KCNIP4: variants seen among roughly 807,000 people sequenced by gnomAD.
KCNIP4 encodes the protein potassium voltage-gated channel interacting protein 4.
A neutral mutation model predicts 34.0 loss-of-function variants in KCNIP4; 12 were observed. The ratio of observed to expected loss-of-function variants is 0.35; its 90% confidence interval spans 0.23 to 0.57. The LOEUF is 0.57. Ranked by LOEUF, KCNIP4 falls within the 20% of genes least tolerant of loss-of-function variation. The pLI, the probability that KCNIP4 is intolerant of heterozygous loss-of-function variation, is 0.83. For missense variants in KCNIP4, 238 were observed against 311.7 expected (o/e 0.76, Z 1.78); for synonymous variants, 124 against 102.2 (o/e 1.21, Z -1.29).
rs142703759 is a variant in KCNIP4, at chr4:21,501,483, G to A, written c.61+447088C>T. ...TCTTCTCATTCATGTTTAAGATGTC[G>A]CAAAATTTCTTATCAAGCTGATACA... On this transcript the variant is annotated intron_variant, in intron 1 of 8. Coordinates refer to ENST00000382152, the MANE Select transcript of KCNIP4 (RefSeq NM_025221.6). 7.2e-5 allele frequency among the ~76,000 whole-genome samples: 11 copies of A among 151,896 alleles called. No individual in the cohort carries two copies. In the East Asian group the frequency reaches 9.7e-4, roughly 13 times the overall value.
At chr4:20,928,650 C>G (rs979708536) in intron 1 of KCNIP4, among the ~76,000 whole-genome samples, 1 of 151,548 alleles carries the variant, frequency 6.6e-6, no homozygotes, top group Non-Finnish European at 1.5e-5. Flanking sequence ...GCAGAAAAAC[C>G]ATTTAAAAAT....
chr4:21,425,238 C>T (rs1051203269), intron 1 of KCNIP4, among the ~76,000 whole-genome samples: 3 of 152,114 alleles, frequency 2.0e-5, no homozygotes, highest in African/African-American at 7.2e-5. Context: ...TACTACCTAA[C>T]TTAACTTTAA....
At chr4:21,047,325 T>A in intron 1 of KCNIP4, among the ~76,000 whole-genome samples, 1 of 152,292 alleles carries the variant, frequency 6.6e-6, no homozygotes. Context: ...GCTTACCATA[T>A]AATGATTGGT....
chr4:21,836,021 A>C (rs1182258156), intron 1 of KCNIP4, among the ~76,000 whole-genome samples: 4 of 152,220 alleles, frequency 2.6e-5, no homozygotes, highest in Non-Finnish European at 5.9e-5. Context: ...GTAAAAGTAT[A>C]AGAAAAAACA....
chr4:21,262,724 C>A (rs578075927), intron 1 of KCNIP4, among the ~76,000 whole-genome samples: 2 of 152,190 alleles, frequency 1.3e-5, no homozygotes, highest in Non-Finnish European at 2.9e-5. Context: ...TCTGCTTCTG[C>A]AAAAGCACGC....
chr4:21,727,698 G>A (rs2109105513), intron 1 of KCNIP4, among the ~76,000 whole-genome samples: 1 of 152,024 alleles, frequency 6.6e-6, no homozygotes, highest in African/African-American at 2.4e-5. Context: ...GTATAGTGGT[G>A]CTCACCTGTA....
chr4:20,922,551 A>G (rs10938819), intron 1 of KCNIP4, among the ~76,000 whole-genome samples: 790 of 8,102 alleles, frequency 0.098, 7 homozygotes, highest in African/African-American at 0.18. Context: ...CTGTCTGTCT[A>G]TCTATCTATC....
At chr4:21,234,291 A>G (rs1388344279) in intron 1 of KCNIP4, among the ~76,000 whole-genome samples, 2 of 102,424 alleles carry the variant, frequency 2.0e-5, no homozygotes, top group East Asian at 3.0e-4. Flanking sequence ...TATAACATAT[A>G]TTATATATAA....
intron 1 of KCNIP4, among the ~76,000 whole-genome samples, chr4:21,103,812 C>T (rs913268538): frequency 2.0e-5 from 3 of 147,362 alleles, no homozygotes; most frequent in Non-Finnish European, 4.5e-5. Context: ...TCAATTCCCA[C>T]CTATGAGTGA....
At chr4:21,521,069 T>C (rs1013653754) in intron 1 of KCNIP4, among the ~76,000 whole-genome samples, 1 of 152,162 alleles carries the variant, frequency 6.6e-6, no homozygotes, top group African/African-American at 2.4e-5. Flanking sequence ...TTTATCTCTT[T>C]TGTGCCTTTA....
chr4:21,656,886 T>A (rs565379677), intron 1 of KCNIP4: 1 of 152,332 alleles, frequency 6.6e-6, no homozygotes, highest in East Asian at 1.9e-4. Flanking sequence ...AGGCTCAGGT[T>A]GGAAAGGAAC....
At chr4:21,600,457 T>C (rs2109118150) in intron 1 of KCNIP4, among the ~76,000 whole-genome samples, 1 of 152,252 alleles carries the variant, frequency 6.6e-6, no homozygotes, top group African/African-American at 2.4e-5. Context: ...AATTGGGCTA[T>C]TCATCACCTT....
At chr4:20,864,081 T>C (rs1026738317) in intron 2 of KCNIP4, among the ~76,000 whole-genome samples, 3 of 151,080 alleles carry the variant, frequency 2.0e-5, no homozygotes, top group African/African-American at 4.8e-5. Flanking sequence ...CGTATGTATG[T>C]ATGTATATGC....
chr4:21,204,717 T>C (rs1756725890), intron 1 of KCNIP4, among the ~76,000 whole-genome samples: 1 of 152,118 alleles, frequency 6.6e-6, no homozygotes, highest in African/African-American at 2.4e-5. Context: ...GAAGGAAACA[T>C]TGGAAATAGA....
chr4:21,247,495 C>T (rs1451667900), intron 1 of KCNIP4, among the ~76,000 whole-genome samples: 1 of 149,052 alleles, frequency 6.7e-6, no homozygotes, highest in Non-Finnish European at 1.5e-5. Flanking sequence ...GAAATAAATC[C>T]CAATATGCAT....
At chr4:21,132,826 T>C (rs1442370012) in intron 1 of KCNIP4, among the ~76,000 whole-genome samples, 2 of 137,282 alleles carry the variant, frequency 1.5e-5, no homozygotes, top group Non-Finnish European at 3.1e-5. Flanking sequence ...CTGGGCAACA[T>C]GGTGAAATGT....
At chr4:21,561,322 T>C (rs1002128527) in intron 1 of KCNIP4, among the ~76,000 whole-genome samples, 5 of 152,006 alleles carry the variant, frequency 3.3e-5, no homozygotes, top group African/African-American at 1.2e-4. Context: ...AAAAAGTTTG[T>C]TTCTGTTTCA....
intron 1 of KCNIP4, among the ~76,000 whole-genome samples, chr4:21,835,171 A>T (rs1723245383): frequency 6.6e-6 from 1 of 152,138 alleles, no homozygotes; most frequent in African/African-American, 2.4e-5. Flanking sequence ...TATTTTTAAA[A>T]ACACGACACA....
chr4:20,830,814 T>C (rs1018343130), intron 3 of KCNIP4, among the ~76,000 whole-genome samples: 2 of 152,212 alleles, frequency 1.3e-5, no homozygotes, highest in African/African-American at 2.4e-5. Context: ...TCAGTAGGTA[T>C]GTGTGAATTG....
Sources: allele counts gnomAD v4.1 joint callset (sites outside exome capture counted in the v4.1 genomes callset), GRCh38; gene constraint gnomAD v4.1.1; transcripts MANE v1.5; gene names NCBI Gene and HGNC (gene_info 2026-07-23, HGNC 2026-07-21).